The following SNAPC4 variants were observed in gnomAD, a reference collection of about 807,000 sequenced individuals.
SNAPC4 encodes the protein snRNA-activating protein complex subunit 4.
Under a neutral mutation model 151.3 loss-of-function variants are expected in SNAPC4, and 127 were observed. That is an observed-to-expected ratio of 0.84 (90% confidence interval 0.73 to 0.97). The LOEUF is 0.97. SNAPC4 is among the 50% of genes least tolerant of loss of function. The probability of loss-of-function intolerance (pLI) is 0.00; values close to 1 mark genes in which losing one functional copy is unlikely to be tolerated. For missense variants in SNAPC4, 2,186 were observed against 1,935.0 expected, an observed-to-expected ratio of 1.13 and a Z score of -2.43; for synonymous variants, 1,002 against 824.4, an observed-to-expected ratio of 1.22 and a Z score of -3.69.
At position 136,383,273 on chromosome 9, in the gene SNAPC4, G is replaced by A. The variant is rs780289851; in HGVS notation, c.1896C>T (p.Ala632=). The change falls in exon 16 of 24, where the codon GCC becomes GCT. Residue 632 remains alanine, a synonymous_variant. Transcript: ENST00000684778. This position sits in a 1 kb window ranked among gnomAD's most constrained non-coding sequence, Gnocchi z 4.2. ...ACCTCGGGACAGGGCCGTGGGCCCT[G>A]GCAGGGACCTGCACCGGACTCGTCT... ...GEETSPVQVP[A]RAHGPVPRSA... is the part of the protein sequence containing the mutation. 2 of 1,611,720 alleles carry A rather than the reference G, an allele frequency of 1.2e-6. No homozygotes were observed. The highest frequency in any genetic ancestry group is 1.7e-6 in the Non-Finnish European group (2 of 1,179,402).
In SNAPC4 at chr9:136,382,158, A is replaced by AC; in HGVS notation, c.2068-86dup. On this transcript the variant is annotated intron_variant, in intron 17 of 23. Coordinates refer to ENST00000684778, the MANE Select transcript of SNAPC4 (RefSeq NM_003086.4). Reference sequence around the variant, plus strand: ...TGCCCAGTGGCCAGTGCTGCCCTCCACCCCCATCAGGGCATGATCGACGGG... The same window carrying AC: ...TGCCCAGTGGCCAGTGCTGCCCTCCACCCCCCATCAGGGCATGATCGACGGG... The AC allele has an allele frequency of 3.8e-6, 6 of 1,574,756 alleles. No individual in the cohort carries two copies. The South Asian group carries it at 6.8e-5, about 18-fold the overall frequency.
rs1422053192 is a variant in SNAPC4 at position 136,384,392 on chromosome 9, C to T, written c.1420+328G>A. On this transcript the variant is annotated intron_variant, in intron 14 of 23. Transcript: ENST00000684778. ...GAGCACGGGTGCTGCTCTCACAGGG[C>T]AGAGCCACAGTATCTGGTGTGTCCT... is the stretch of plus-strand genomic sequence containing the variant. Among the ~76,000 whole-genome samples the T allele has an allele frequency of 4.6e-5, 7 of 152,332 alleles. No individual in the cohort carries two copies. The East Asian group carries it at 7.7e-4, about 17-fold the overall frequency.
intron 21 of SNAPC4, 152 bp from the exon 22 acceptor site, chr9:136,379,451 G>C (rs1435350851): frequency 2.4e-6 from 3 of 1,275,334 alleles, no homozygotes; most frequent in Non-Finnish European, 1.1e-6. Flanking sequence ...GGTCTCCCAA[G>C]TCACAGTGGC....
Position 136,379,833 on chromosome 9 carries a change from T to C in SNAPC4, c.2527+4A>G, listed in dbSNP as rs1833623077. ...TCCCCACCAGGGCAGAGAAGCAGAG[T>C]TACCTGGGGTGCTCTGGGCACTTGA... On this transcript the variant is annotated splice_donor_region_variant and intron_variant, in intron 21 of 23. Coordinates refer to ENST00000684778, the MANE Select transcript of SNAPC4 (RefSeq NM_003086.4). The C allele has an allele frequency of 1.9e-6, 3 of 1,613,030 alleles. No homozygotes were observed. The highest frequency in any genetic ancestry group is 1.1e-5 in the South Asian group (1 of 90,914).
chr9:136,380,987 T>G (rs1042503179), intron 19 of SNAPC4, 137 bp from the exon 20 acceptor site: 10 of 617,108 alleles, frequency 1.6e-5, no homozygotes, highest in Non-Finnish European at 2.9e-5. Flanking sequence ...GCCCTTCTGA[T>G]GCAGATGCAG....
intron 21 of SNAPC4, 121 bp from the exon 22 acceptor site, chr9:136,379,420 A>T: frequency 6.8e-7 from 1 of 1,459,900 alleles, no homozygotes; most frequent in Non-Finnish European, 9.2e-7. Context: ...GAGCCAAGAG[A>T]GGGTCAAGCG....
At position 136,379,206 on chromosome 9, in the gene SNAPC4, G is replaced by A. The variant is rs267602172; in HGVS notation, c.2621C>T (p.Thr874Ile). ...RRLASSRVERTLPQASLLAST... is the reference protein window; with the variant it reads ...RRLASSRVERILPQASLLAST... ...AGCCAGCAGGGACGCCTGGGGTAGG[G>A]TGCGCTCCACCCGGCTGGACGCCAG... is the stretch of plus-strand genomic sequence containing the variant. Residue 874 changes from threonine (T) to isoleucine (I), a missense_variant, in exon 22 of 24, where the codon ACC (threonine) becomes ATC (isoleucine). Physicochemically the swap from Thr to Ile is moderately conservative, Grantham distance 89 (BLOSUM62 -1). Coordinates refer to ENST00000684778, the MANE Select transcript of SNAPC4 (RefSeq NM_003086.4). 3 of 1,610,278 alleles carry A rather than the reference G, an allele frequency of 1.9e-6. No homozygotes were observed. The highest frequency in any genetic ancestry group is 4.5e-5 in the East Asian group (2 of 44,796).
chr9:136,385,602 C>A (rs771185224), intron 13 of SNAPC4, among the ~76,000 whole-genome samples: 1 of 151,898 alleles, frequency 6.6e-6, no homozygotes, highest in Non-Finnish European at 1.5e-5. Flanking sequence ...GTCGCCCAGG[C>A]TGGAGTGCAG....
At chr9:136,398,697 C>A (rs1356624292) in intron 1 of SNAPC4, 2 of 386,632 alleles carry the variant, frequency 5.2e-6, no homozygotes, top group Non-Finnish European at 9.6e-6. Context: ...AGGCTGCAAC[C>A]AGCACAGGCA....
chr9:136,390,930 G>A (rs1312429850), intron 10 of SNAPC4, among the ~76,000 whole-genome samples: 3 of 151,968 alleles, frequency 2.0e-5, no homozygotes, highest in Non-Finnish European at 4.4e-5. Flanking sequence ...CGCCTCCCGG[G>A]TTCACGCCAT....
intron 3 of SNAPC4, among the ~76,000 whole-genome samples, chr9:136,395,972 G>A (rs995591471): frequency 1.3e-5 from 2 of 152,210 alleles, no homozygotes; most frequent in Non-Finnish European, 2.9e-5. Flanking sequence ...CTCTCAAGGC[G>A]GCCTGTGTGC....
At position 136,379,229 on chromosome 9, in the gene SNAPC4, C is replaced by G. The variant is rs1429647188; in HGVS notation, c.2598G>C (p.Leu866=). 6.2e-7 allele frequency: 1 copy of G among 1,612,454 alleles called. No individual in the cohort carries two copies. Among genetic ancestry groups the G allele is most frequent in the Middle Eastern group, 1.7e-4 (1 of 6,050 alleles). The stretch of plus-strand genomic sequence containing the variant: ...GGGTGCGCTCCACCCGGCTGGACGC[C>G]AGTCTTCGGCTCCCTTTGTGGCTGG... ...KSASHKGSRR[L]ASSRVERTLP... is the part of the protein sequence containing the mutation. The change falls in exon 22 of 24, where the codon CTG becomes CTC. Residue 866 remains leucine (L), a synonymous_variant. Coordinates refer to ENST00000684778, the MANE Select transcript of SNAPC4 (RefSeq NM_003086.4).
At position 136,383,160 on chromosome 9, in the gene SNAPC4, G is replaced by A. The variant is rs759808434; in HGVS notation, c.1983+26C>T. The A allele has an allele frequency of 1.1e-5, 16 of 1,514,094 alleles. No homozygotes were observed. Among genetic ancestry groups the A allele is most frequent in the Admixed American group, 2.3e-5 (1 of 44,122 alleles). 93.8% of individuals were successfully genotyped at this position (1,514,094 alleles called of 1,614,324 possible). A position where few individuals can be genotyped will look rare whatever the true frequency, so the allele number is the denominator to read the frequency against. ...AGCGAGTGCCGAAAGTGCACTTCCC[G>A]TGGTACACCCAGGGCCGGGGCCTAC... On this transcript the variant is annotated intron_variant, in intron 16 of 23. Coordinates refer to ENST00000684778, the MANE Select transcript of SNAPC4 (RefSeq NM_003086.4). This position sits in a 1 kb window ranked among gnomAD's most constrained non-coding sequence, Gnocchi z 4.2.
At chr9:136,392,483 C>T in intron 9 of SNAPC4, 39 bp downstream of exon 9, 1 of 1,598,610 alleles carries the variant, frequency 6.3e-7, no homozygotes, top group Non-Finnish European at 8.6e-7. Flanking sequence ...GGGAGCTGTG[C>T]TCCAAGCTGC....
Position 136,397,011 on chromosome 9 carries a change from G to A in SNAPC4, c.143C>T (p.Ser48Phe), listed in dbSNP as rs760191582. ...ESDSEADSLP[S>F]EDLDPADPPI... ...GGGATCGGCAGGATCCAAGTCCTCA[G>A]AAGGCAGTGAATCTGTCAGAAACAC... The change falls in exon 3 of 24, where the codon TCT becomes TTT. Residue 48 changes from serine to phenylalanine, a missense_variant. By Grantham distance (155) the Ser-to-Phe change is radical. Coordinates refer to ENST00000684778, the MANE Select transcript of SNAPC4 (RefSeq NM_003086.4). The A allele has an allele frequency of 2.5e-6, 4 of 1,612,808 alleles. No homozygotes were observed. In the African/African-American group the frequency reaches 4.0e-5, roughly 16 times the overall value.
intron 5 of SNAPC4, 22 bp from the exon 6 acceptor site, chr9:136,394,900 C>T (rs1476435605): frequency 6.2e-7 from 1 of 1,609,680 alleles, no homozygotes; most frequent in South Asian, 1.1e-5. Context: ...CACGGCATCA[C>T]CACAAGCACA....
At chr9:136,392,855 C>A in intron 7 of SNAPC4, 78 bp from the exon 8 acceptor site, 2 of 1,166,110 alleles carry the variant, frequency 1.7e-6, no homozygotes, top group Non-Finnish European at 2.5e-6. Context: ...CATTACAGGG[C>A]AAGGAGTGTG....
rs564026725 is a variant in SNAPC4, at chr9:136,382,737, C to T, written c.1984-401G>A. Among the ~76,000 whole-genome samples, 64 of 152,350 alleles carry T rather than the reference C, an allele frequency of 4.2e-4. 1 individual carries two copies. The South Asian group carries it at 4.8e-3, about 11-fold the overall frequency. On this transcript the variant is annotated intron_variant, in intron 16 of 23. Coordinates refer to ENST00000684778, the MANE Select transcript of SNAPC4 (RefSeq NM_003086.4). Reference sequence around the variant, plus strand: ...CCAGCCTGTTCAACTCTGACTGCTCCCACAGACATGGCCAGAGATGGGCCT... The same window carrying T: ...CCAGCCTGTTCAACTCTGACTGCTCTCACAGACATGGCCAGAGATGGGCCT...
At position 136,388,267 on chromosome 9, in the gene SNAPC4, C is replaced by CAAA. The variant is rs35543525; in HGVS notation, c.1123+174_1123+176dup. Among the ~76,000 whole-genome samples the CAAA allele has an allele frequency of 2.4e-4, 26 of 108,852 alleles. 1 individual carries two copies. Among genetic ancestry groups the CAAA allele is most frequent in the East Asian group, 1.4e-3 (5 of 3,632 alleles). The allele number at this position is 108,852 out of a possible 152,430, so 71.4% of individuals were successfully genotyped here. A position where few individuals can be genotyped will look rare whatever the true frequency, so the allele number is the denominator to read the frequency against. On this transcript the variant is annotated intron_variant, in intron 11 of 23. Transcript: ENST00000684778. ...GGGCAACAAGAGTGAAACTCCATCT[C>CAAA]AAAAAAAAAAAAAAAAAAGTCACTT...
Sources: gnomAD v4.1 joint callset for allele counts (sites outside exome capture counted in the v4.1 genomes callset) on GRCh38, gnomAD v4.1.1 for gene constraint, Gnocchi (gnomAD v3.1) non-coding constraint, MANE v1.5 for transcripts, NCBI Gene and HGNC (gene_info 2026-07-23, HGNC 2026-07-21) for gene names.